The following POMT1 variants were observed in gnomAD, a reference collection of about 807,000 sequenced individuals.
POMT1 encodes the protein protein O-mannosyl-transferase 1.
A neutral mutation model predicts 101.6 loss-of-function variants in POMT1; 85 were observed. The ratio of observed to expected loss-of-function variants is 0.84; its 90% CI spans 0.70 to 1.00. The LOEUF (loss-of-function observed/expected upper bound fraction) is 1.00, where lower values mean the gene tolerates loss of function less well. Among genes scored for constraint, POMT1 ranks in the 50% least tolerant of loss-of-function variants. The probability of loss-of-function intolerance (pLI) is 0.00; values close to 1 mark genes in which losing one functional copy is unlikely to be tolerated. For missense variants in POMT1, 857 were observed against 930.4 expected (o/e 0.92, Z 1.03); for synonymous variants, 371 against 383.0 (o/e 0.97, Z 0.37).
At chr9:131,508,291 G>T (rs1946304238) in intron 5 of POMT1, among the ~76,000 whole-genome samples, 1 of 151,806 alleles carries the variant, frequency 6.6e-6, no homozygotes, top group Non-Finnish European at 1.5e-5. Flanking sequence ...CCAGCACTTT[G>T]GGAGGCTGAG....
chr9:131,520,076 C>G lies in POMT1; in HGVS notation c.1585-4C>G. ...CAATCTCAGAGGCCTCTGCTTTGTT[C>G]CAGTGGAGGATGCTGGCGCTGAGAA... On this transcript the variant is annotated splice_polypyrimidine_tract_variant and splice_region_variant and intron_variant, in intron 16 of 19. Coordinates refer to ENST00000402686, the MANE Select transcript of POMT1 (RefSeq NM_001077365.2). The G allele has an allele frequency of 6.2e-7, 1 of 1,612,518 alleles. No individual in the cohort carries two copies. Among genetic ancestry groups the G allele is most frequent in the South Asian group, 1.1e-5 (1 of 91,044 alleles).
In POMT1 at chr9:131,523,208, C is replaced by A; in HGVS notation, c.*102C>A. On this transcript the variant is annotated 3_prime_UTR_variant, in exon 20 of 20. Transcript: ENST00000402686. ...CAGGGTGGGCCCCACGCTGGGAGGA[C>A]ACGGGCTGGGCTGAGCAGGGCCTCT... 6.9e-7 allele frequency: 1 copy of A among 1,450,692 alleles called. No homozygotes were observed. The highest frequency in any genetic ancestry group is 9.4e-7 in the Non-Finnish European group (1 of 1,065,722). The allele number at this position is 1,450,692 out of a possible 1,614,324, so 89.9% of individuals were successfully genotyped here. A position where few individuals can be genotyped will look rare whatever the true frequency, so the allele number is the denominator to read the frequency against.
chr9:131,514,179 G>A (rs1270131145), intron 12 of POMT1, among the ~76,000 whole-genome samples: 1 of 152,150 alleles, frequency 6.6e-6, no homozygotes, highest in African/African-American at 2.4e-5. Context: ...CCCACCTCCT[G>A]GGGCCTGACC....
chr9:131,520,028 C>T (rs1949595383), intron 16 of POMT1, 52 bp from the exon 17 acceptor site: 15 of 1,456,832 alleles, frequency 1.0e-5, no homozygotes, highest in Middle Eastern at 1.7e-4. Flanking sequence ...AATCCACGCA[C>T]AGCGGGAGGC....
chr9:131,513,466 A>G, intron 12 of POMT1, 135 bp downstream of exon 12: 1 of 868,136 alleles, frequency 1.2e-6, no homozygotes, highest in Non-Finnish European at 1.9e-6. Flanking sequence ...CAGCTCTTAG[A>G]CCTACATTTG....
chr9:131,511,151 G>T, intron 9 of POMT1, 186 bp from the exon 10 acceptor site: 1 of 665,794 alleles, frequency 1.5e-6, no homozygotes. Context: ...CATTTGATCA[G>T]ACTTAGTGCT....
At position 131,502,986 on chromosome 9, in the gene POMT1, C is replaced by G. The variant is rs1054608592; in HGVS notation, c.-118C>G. ...GTGGGTGGTGCGGAGTGCCGAGCGG[C>G]CTCACCCCCAACCGTCGGCCCAGTC... On this transcript the variant is annotated 5_prime_UTR_variant, in exon 1 of 20. Transcript: ENST00000402686. The G allele has an allele frequency of 6.6e-6, 1 of 152,302 alleles. No individual in the cohort carries two copies. The highest frequency in any genetic ancestry group is 2.4e-5 in the African/African-American group (1 of 41,456). The allele number at this position is 152,302 out of a possible 1,614,324, so 9.4% of individuals were successfully genotyped here. A position where few individuals can be genotyped will look rare whatever the true frequency, so the allele number is the denominator to read the frequency against.
chr9:131,513,506 G>A (rs866663374), intron 12 of POMT1, among the ~76,000 whole-genome samples, 175 bp downstream of exon 12: 8 of 152,178 alleles, frequency 5.3e-5, no homozygotes, highest in East Asian at 1.9e-4. Context: ...GCCTGGCCGC[G>A]GAAGGGAGCG....
In POMT1 at chr9:131,522,424, G is replaced by A. The variant is rs570832885; in HGVS notation, c.2003+200G>A. ...GCAGGAACCCAGAGGGAGAAGTCGC[G>A]GCTGACAGAGATGAAAGCGGAGTGG... On this transcript the variant is annotated intron_variant, in intron 19 of 19. Coordinates refer to ENST00000402686, the MANE Select transcript of POMT1 (RefSeq NM_001077365.2). The surrounding 1 kb of genome is among the most constrained non-coding windows in gnomAD (Gnocchi z 5.5). The A allele has an allele frequency of 3.7e-5, 42 of 1,120,094 alleles. No individual in the cohort carries two copies. The Admixed American group carries it at 4.4e-4, about 12-fold the overall frequency. 69.4% of individuals were successfully genotyped at this position (1,120,094 alleles called of 1,614,324 possible).
In POMT1 at chr9:131,522,214, C is replaced by T. The variant is rs762341926; in HGVS notation, c.1993C>T (p.His665Tyr). The change falls in exon 19 of 20, where the codon CAC (histidine) becomes TAC (tyrosine). Residue 665 changes from histidine to tyrosine, a missense_variant. Transcript: ENST00000402686. This position sits in a 1 kb window ranked among gnomAD's most constrained non-coding sequence, Gnocchi z 5.5. Reference protein sequence around the residue: ...LPVVLQHISDHLCRSQLQRSI... With the variant: ...LPVVLQHISDYLCRSQLQRSI... ...TGTGGTCCTGCAGCACATCAGCGAC[C>T]ACCTGTGCAGGTACGGGGGCTGCGG... 2 of 1,613,726 alleles carry T rather than the reference C, an allele frequency of 1.2e-6. No homozygotes were observed. The highest frequency in any genetic ancestry group is 8.5e-7 in the Non-Finnish European group (1 of 1,180,026).
Position 131,508,911 on chromosome 9 carries a change from A to C in POMT1, c.428A>C (p.Glu143Ala). 6.2e-7 allele frequency: 1 copy of C among 1,603,910 alleles called. No individual in the cohort carries two copies. Among genetic ancestry groups the C allele is most frequent in the Non-Finnish European group, 8.5e-7 (1 of 1,170,676 alleles). Residue 143 changes from glutamate to alanine, a missense_variant and splice_region_variant, in exon 6 of 20, where the codon GAG becomes GCG. Transcript: ENST00000402686. ...AMGAALLMLIENALITQSRLM... is the reference protein window; with the variant it reads ...AMGAALLMLIANALITQSRLM... The stretch of plus-strand genomic sequence containing the variant: ...GACATGTGTTTCCTCTTTGAAACAG[A>C]GAATGCTCTCATCACTCAGTCAAGG...
In POMT1 at chr9:131,510,251, C is replaced by G. The variant is rs754036585; in HGVS notation, c.700-9C>G. On this transcript the variant is annotated splice_polypyrimidine_tract_variant and intron_variant, in intron 8 of 19. Transcript: ENST00000402686. ...AGTGGAACATGACTTTTCTTTGAAT[C>G]TCTGGCAGGTCTGTGTGTTCTGTCA... 1.2e-6 allele frequency: 2 copies of G among 1,614,236 alleles called. No homozygotes were observed. The highest frequency in any genetic ancestry group is 8.5e-7 in the Non-Finnish European group (1 of 1,180,048).
intron 13 of POMT1, among the ~76,000 whole-genome samples, chr9:131,516,124 C>T (rs1392832489): frequency 1.3e-4 from 13 of 98,818 alleles, no homozygotes; most frequent in African/African-American, 4.2e-4. Context: ...GGGAGCACTT[C>T]CTCACACGGA....
intron 5 of POMT1, among the ~76,000 whole-genome samples, chr9:131,508,127 C>T (rs1946260472): frequency 6.6e-6 from 1 of 151,884 alleles, no homozygotes; most frequent in Admixed American, 6.6e-5. Context: ...ATCCCAGCTA[C>T]TTGGGAGGCT....
chr9:131,510,938 G>C, intron 9 of POMT1: 1 of 284,092 alleles, frequency 3.5e-6, no homozygotes, highest in Non-Finnish European at 6.8e-6. Flanking sequence ...AGGTGGTCAG[G>C]ACTGTGGTTC....
intron 2 of POMT1, among the ~76,000 whole-genome samples, chr9:131,505,480 C>G (rs1461407741): frequency 1.3e-5 from 2 of 151,126 alleles, no homozygotes; most frequent in African/African-American, 4.9e-5. Flanking sequence ...CCAAGCTGAT[C>G]TTGAACTCCT....
At chr9:131,507,032 A>C (rs1235718089) in intron 4 of POMT1, among the ~76,000 whole-genome samples, 2 of 151,012 alleles carry the variant, frequency 1.3e-5, no homozygotes, top group Admixed American at 6.7e-5. Context: ...GCGCCACTGC[A>C]CTCCGGCCTG....
rs1369682747 is a variant in POMT1 at position 131,506,400 on chromosome 9, C to T, written c.230-3C>T. 3 of 1,612,310 alleles carry T rather than the reference C, an allele frequency of 1.9e-6. No homozygotes were observed. The highest frequency in any genetic ancestry group is 2.5e-6 in the Non-Finnish European group (3 of 1,178,368). Reference sequence around the variant, plus strand: ...ATAGTTACTGATTAATCTTCTGTTTCAGGTTATTTAGGAGGATTCGATGGC... The same window carrying T: ...ATAGTTACTGATTAATCTTCTGTTTTAGGTTATTTAGGAGGATTCGATGGC... On this transcript the variant is annotated splice_region_variant and splice_polypyrimidine_tract_variant and intron_variant, in intron 3 of 19. Transcript: ENST00000402686.
intron 13 of POMT1, among the ~76,000 whole-genome samples, chr9:131,517,483 G>T (rs1948948983): frequency 6.6e-6 from 1 of 152,070 alleles, no homozygotes; most frequent in Admixed American, 6.6e-5. Flanking sequence ...TTGCTATGTT[G>T]TCCAGGCTGG....
Sources: allele counts gnomAD v4.1 joint callset (sites outside exome capture counted in the v4.1 genomes callset), GRCh38; gene constraint gnomAD v4.1.1; non-coding constraint Gnocchi (gnomAD v3.1); transcripts MANE v1.5; gene names NCBI Gene and HGNC (gene_info 2026-07-23, HGNC 2026-07-21).